Variants in ZNF618 observed in about 807,000 individuals in gnomAD.
The protein encoded by ZNF618 is zinc finger protein 618.
ZNF618 carries 34 observed loss-of-function variants against 103.0 expected under a neutral mutation model. The observed-to-expected ratio is 0.33, with a 90% CI of 0.25 to 0.44. The LOEUF is 0.44. ZNF618 is among the 20% of genes least tolerant of loss of function. The pLI is 1.00. For synonymous variants in ZNF618, 551 were observed against 542.2 expected (o/e 1.02, Z -0.23); for missense variants, 1,059 against 1,295.4 (o/e 0.82, Z 2.80).
intron 10 of ZNF618, among the ~76,000 whole-genome samples, chr9:114,024,123 T>G (rs1386878417): frequency 6.6e-6 from 1 of 152,206 alleles, no homozygotes; most frequent in Non-Finnish European, 1.5e-5. Context: ...TTTTCAGCCT[T>G]GTTTTCCTTC....
chr9:114,029,498 C>G (rs943463518), intron 11 of ZNF618, among the ~76,000 whole-genome samples: 2 of 152,176 alleles, frequency 1.3e-5, no homozygotes, highest in African/African-American at 4.8e-5. Context: ...AACACAATGG[C>G]CATGTGGCAG....
intron 1 of ZNF618, among the ~76,000 whole-genome samples, chr9:113,879,142 A>T (rs1828246875): frequency 6.8e-6 from 1 of 146,616 alleles, no homozygotes; most frequent in Non-Finnish European, 1.5e-5. Context: ...TGAGTTTAGC[A>T]GTGATGAAGG....
At chr9:113,973,145 A>C (rs767892208) in intron 2 of ZNF618, among the ~76,000 whole-genome samples, 1 of 152,202 alleles carries the variant, frequency 6.6e-6, no homozygotes, top group African/African-American at 2.4e-5. Context: ...GACCACGGCC[A>C]GGTGGGATTT....
intron 11 of ZNF618, among the ~76,000 whole-genome samples, chr9:114,030,153 T>C (rs563833146): frequency 6.6e-6 from 1 of 152,358 alleles, no homozygotes; most frequent in South Asian, 2.1e-4. Context: ...AGCCGTGCTT[T>C]CCTTTACTCC....
chr9:114,037,670 G>A (rs944423499), intron 13 of ZNF618, among the ~76,000 whole-genome samples: 1 of 152,168 alleles, frequency 6.6e-6, no homozygotes, highest in Non-Finnish European at 1.5e-5. Context: ...CCCAGGTCTG[G>A]CCTGACTGGC....
chr9:114,050,106 G>A lies in ZNF618; in HGVS notation c.2804G>A (p.Arg935Lys). The change falls in exon 15 of 15, where the codon AGG (arginine) becomes AAG (lysine). Residue 935 changes from arginine to lysine, a missense_variant. Physicochemically the swap from Arg to Lys is conservative, Grantham distance 26. Around this residue, in one of 6 missense-constraint regions of ZNF618, gnomAD observed 156 missense variants for 197.1 expected, o/e 0.79. Transcript: ENST00000374126. Reference sequence around the variant, plus strand: ...GAACAAGCGCTTCTAATCAAACGGAGGCGGCTGCTCAGTCCAGAAGATATG... The same window carrying A: ...GAACAAGCGCTTCTAATCAAACGGAAGCGGCTGCTCAGTCCAGAAGATATG... ...MCEQALLIKR[R>K]RLLSPEDMNK... The A allele has an allele frequency of 6.2e-7, 1 of 1,608,446 alleles. No individual in the cohort carries two copies. The highest frequency in any genetic ancestry group is 8.5e-7 in the Non-Finnish European group (1 of 1,178,126).
chr9:113,982,013 G>C (rs907818018), intron 2 of ZNF618, among the ~76,000 whole-genome samples: 5 of 152,098 alleles, frequency 3.3e-5, no homozygotes, highest in African/African-American at 1.2e-4. Flanking sequence ...GAGAGAGAGA[G>C]AGAGACATTT....
chr9:113,944,747 C>T (rs906196024), intron 1 of ZNF618, among the ~76,000 whole-genome samples: 1 of 152,160 alleles, frequency 6.6e-6, no homozygotes, highest in Admixed American at 6.5e-5. Flanking sequence ...AAAATGTTAT[C>T]AATTCAACAT....
At chr9:113,895,427 T>C (rs1375082265) in intron 1 of ZNF618, among the ~76,000 whole-genome samples, 1 of 152,156 alleles carries the variant, frequency 6.6e-6, no homozygotes, top group Non-Finnish European at 1.5e-5. Context: ...TTATGGTGTT[T>C]TTATTCTTTT....
rs537388026 is a variant in ZNF618, at chr9:113,890,518, G to A, written c.33+14105G>A. ...ATGCATGGCCCAAAATTCAGTGTGC[G>A]ATTAGATTTTGGTTATTTCTAATTT... On this transcript the variant is annotated intron_variant, in intron 1 of 14. Transcript: ENST00000374126. Among the ~76,000 whole-genome samples the A allele has an allele frequency of 1.5e-3, 236 of 152,298 alleles. 1 individual carries two copies. The highest frequency in any genetic ancestry group is 5.4e-3 in the African/African-American group (223 of 41,564).
chr9:114,044,766 A>G lies in ZNF618; in HGVS notation c.1247-3127A>G, dbSNP rs186102265. 2.4e-4 allele frequency among the ~76,000 whole-genome samples: 37 copies of G among 152,084 alleles called. No homozygotes were observed. In the East Asian group the frequency reaches 6.6e-3, roughly 27 times the overall value. On this transcript the variant is annotated intron_variant, in intron 13 of 14. Coordinates refer to ENST00000374126, the MANE Select transcript of ZNF618 (RefSeq NM_001318042.2). ...GTAGAGGTCTTTCACCTCCTTAATT[A>G]AGCATATTCCTAAGTTGTTTTTTTT...
At chr9:114,008,269 A>G (rs1841930835) in intron 7 of ZNF618, 75 bp from the exon 8 acceptor site, 1 of 1,589,032 alleles carries the variant, frequency 6.3e-7, no homozygotes, top group Non-Finnish European at 8.6e-7. Flanking sequence ...TGGCAGAGGC[A>G]GCTCTGGGCA....
At chr9:113,972,684 A>C (rs1241190566) in intron 2 of ZNF618, among the ~76,000 whole-genome samples, 1 of 152,204 alleles carries the variant, frequency 6.6e-6, no homozygotes, top group African/African-American at 2.4e-5. Context: ...TCTGTGAGGA[A>C]AACTAATCCT....
intron 2 of ZNF618, among the ~76,000 whole-genome samples, chr9:113,974,075 C>T (rs2132946976): frequency 6.6e-6 from 1 of 152,350 alleles, no homozygotes; most frequent in Non-Finnish European, 1.5e-5. Flanking sequence ...ACAGGAATCC[C>T]TGCCCTTGTA....
chr9:114,036,273 A>T, intron 12 of ZNF618, 27 bp from the exon 13 acceptor site: 1 of 1,555,470 alleles, frequency 6.4e-7, no homozygotes, highest in Admixed American at 1.9e-5. Flanking sequence ...TCCACCCCTC[A>T]CGTGGCTGCC....
chr9:113,940,578 T>TGG (rs1471972985), intron 1 of ZNF618, among the ~76,000 whole-genome samples: 5 of 149,122 alleles, frequency 3.4e-5, no homozygotes, highest in African/African-American at 1.2e-4. Context: ...GTTAAAATTT[T>TGG]GGGGGGGTGG....
At chr9:113,950,250 G>A (rs1012435814) in intron 1 of ZNF618, among the ~76,000 whole-genome samples, 31 of 152,270 alleles carry the variant, frequency 2.0e-4, no homozygotes, top group African/African-American at 4.1e-4. Flanking sequence ...AAGGACCACC[G>A]TATCTGTTCC....
At chr9:114,008,450 T>A in intron 8 of ZNF618, 27 bp from the exon 9 acceptor site, 1 of 1,613,614 alleles carries the variant, frequency 6.2e-7, no homozygotes, top group Admixed American at 1.7e-5. Context: ...GGGACCAGGG[T>A]GCTAAGGGCC....
At chr9:114,002,173 C>T (rs886205218) in intron 5 of ZNF618, 100 bp downstream of exon 5, 12 of 1,015,946 alleles carry the variant, frequency 1.2e-5, no homozygotes, top group Non-Finnish European at 1.8e-5. Flanking sequence ...GAGGCCCTGA[C>T]AGCTCCAGCC....
Sources: gnomAD v4.1 joint callset for allele counts (sites outside exome capture counted in the v4.1 genomes callset) on GRCh38, gnomAD v4.1.1 for gene constraint, gnomAD v4.1.1 regional missense constraint, MANE v1.5 for transcripts, NCBI Gene and HGNC (gene_info 2026-07-23, HGNC 2026-07-21) for gene names.